The following CNTLN variants were observed in gnomAD, a reference collection of about 807,000 sequenced individuals.
The protein encoded by CNTLN is centlein, centrosomal protein.
Under a neutral mutation model 180.0 loss-of-function variants are expected in CNTLN, and 212 were observed. That is an observed-to-expected ratio of 1.18 (90% CI 1.05 to 1.32). The LOEUF (loss-of-function observed/expected upper bound fraction) is 1.32. Ranked by LOEUF, CNTLN falls within the 40% of genes most tolerant of loss-of-function variation. CNTLN has a pLI of 0.00. For missense variants in CNTLN, 2,095 were observed against 1,610.9 expected (o/e 1.30, Z -5.14); for synonymous variants, 722 against 563.1 (o/e 1.28, Z -3.99).
rs1818543241 is a variant in CNTLN at position 17,304,034 on chromosome 9, T to G, written c.1147-5024T>G. ...GCCCTTACATTACCCATTCTTTCTC[T>G]CATTTATTAAGTAGATCTGTATCAT... On this transcript the variant is annotated intron_variant, in intron 7 of 25. Coordinates refer to ENST00000380647, the MANE Select transcript of CNTLN (RefSeq NM_017738.4). 7.9e-5 allele frequency among the ~76,000 whole-genome samples: 12 copies of G among 152,304 alleles called. No homozygotes were observed. In the South Asian group the frequency reaches 2.5e-3, roughly 32 times the overall value.
intron 7 of CNTLN, among the ~76,000 whole-genome samples, chr9:17,304,333 G>A (rs900441226): frequency 3.3e-5 from 5 of 152,038 alleles, no homozygotes; most frequent in East Asian, 1.9e-4. Context: ...GCATGTAGCC[G>A]TTCATACAAT....
chr9:17,341,715 G>T (rs1352685384), intron 11 of CNTLN, among the ~76,000 whole-genome samples: 3 of 152,114 alleles, frequency 2.0e-5, no homozygotes, highest in African/African-American at 2.4e-5. Flanking sequence ...TTTGTTTTAT[G>T]TTCAGAAAAT....
At chr9:17,170,780 C>G (rs75848915) in intron 2 of CNTLN, among the ~76,000 whole-genome samples, 5,075 of 151,888 alleles carry the variant, frequency 0.033, 146 homozygotes, top group East Asian at 0.17. Flanking sequence ...ACTCATTTTC[C>G]TCATTACAAT....
chr9:17,284,564 T>G (rs1828861952), intron 6 of CNTLN, among the ~76,000 whole-genome samples: 1 of 152,216 alleles, frequency 6.6e-6, no homozygotes, highest in Admixed American at 6.5e-5. Context: ...TTTATAGTAT[T>G]ATCTGAAGGT....
At chr9:17,478,582 A>C (rs1394213736) in intron 23 of CNTLN, among the ~76,000 whole-genome samples, 2 of 150,408 alleles carry the variant, frequency 1.3e-5, no homozygotes, top group Non-Finnish European at 3.0e-5. Flanking sequence ...TGGACTCCCG[A>C]CTCCTGGACT....
intron 5 of CNTLN, among the ~76,000 whole-genome samples, chr9:17,268,604 C>G (rs559725566): frequency 6.6e-6 from 1 of 152,282 alleles, no homozygotes; most frequent in South Asian, 2.1e-4. Flanking sequence ...GAGGTTACTG[C>G]TGTCTTTTTG....
chr9:17,525,044 C>A, the CNTLN span, among the ~76,000 whole-genome samples: 28 of 152,238 alleles, frequency 1.8e-4, no homozygotes, highest in African/African-American at 6.7e-4. Context: ...TGAACATACA[C>A]AATAACATAG....
chr9:17,443,867 A>C (rs549256822), intron 18 of CNTLN, among the ~76,000 whole-genome samples: 150 of 152,258 alleles, frequency 9.9e-4, no homozygotes, highest in African/African-American at 3.3e-3. Context: ...CTGTACAGAG[A>C]ATGTGGAGGA....
chr9:17,490,596 A>G (rs1417332238), intron 25 of CNTLN, among the ~76,000 whole-genome samples: 3 of 151,974 alleles, frequency 2.0e-5, no homozygotes, highest in Non-Finnish European at 4.4e-5. Flanking sequence ...ATAGAGAGTG[A>G]CTGCTTACGG....
intron 12 of CNTLN, among the ~76,000 whole-genome samples, chr9:17,344,900 TC>T (rs1045041316): frequency 6.6e-6 from 1 of 152,144 alleles, no homozygotes; most frequent in Non-Finnish European, 1.5e-5. Context: ...AGTCAAATCT[TC>T]CTACCGCCAC....
chr9:17,332,661 A>C lies in CNTLN; in HGVS notation c.1575A>C (p.Ser525=). The C allele has an allele frequency of 6.2e-7, 1 of 1,609,258 alleles. No individual in the cohort carries two copies. Among genetic ancestry groups the C allele is most frequent in the East Asian group, 2.2e-5 (1 of 44,696 alleles). The change falls in exon 10 of 26, where the codon TCA becomes TCC. Residue 525 remains serine, a synonymous_variant. Transcript: ENST00000380647. ...CCCCAAAGAGCTCTTTCACAGACTCAGAAGAGCTACAGAAGCTGAGAAAAG... is the reference window on the plus strand; with the variant it reads ...CCCCAAAGAGCTCTTTCACAGACTCCGAAGAGCTACAGAAGCTGAGAAAAG... The part of the protein sequence containing the change: ...SLSPKSSFTD[S]EELQKLRKAE...
At chr9:17,515,139 C>T in the CNTLN span, among the ~76,000 whole-genome samples, 2 of 152,072 alleles carry the variant, frequency 1.3e-5, no homozygotes, top group African/African-American at 4.8e-5. Context: ...AGTTTTCAGC[C>T]TTTCTCCTAC....
intron 5 of CNTLN, among the ~76,000 whole-genome samples, chr9:17,259,232 T>C (rs1451729451): frequency 1.3e-5 from 2 of 149,702 alleles, no homozygotes; most frequent in Non-Finnish European, 2.9e-5. Context: ...ATTGAGATAA[T>C]CATGTGGTTT....
At chr9:17,271,310 G>T (rs1000986976) in intron 5 of CNTLN, among the ~76,000 whole-genome samples, 4 of 152,064 alleles carry the variant, frequency 2.6e-5, no homozygotes, top group Admixed American at 6.5e-5. Flanking sequence ...CAGATTTGCG[G>T]TTCACTGACC....
rs1475624927 is a variant in CNTLN, at chr9:17,160,073, T to A, written c.449+16697T>A. Among the ~76,000 whole-genome samples the A allele has an allele frequency of 2.0e-5, 3 of 152,330 alleles. No individual in the cohort carries two copies. The East Asian group carries it at 5.8e-4, about 29-fold the overall frequency. ...TTGTGAATTCACTGACTTTAGAAGT[T>A]GTACCAACTTACACTTCCACCAGAA... is the stretch of plus-strand genomic sequence containing the variant. On this transcript the variant is annotated intron_variant, in intron 2 of 25. Coordinates refer to ENST00000380647, the MANE Select transcript of CNTLN (RefSeq NM_017738.4).
chr9:17,349,430 A>C lies in CNTLN; in HGVS notation c.1886+6986A>C, dbSNP rs185003318. ...TAGAATCTACAAAAAAAGATATACT[A>C]TTAATACTACCTTTCAACTGAATTT... On this transcript the variant is annotated intron_variant, in intron 12 of 25. Coordinates refer to ENST00000380647, the MANE Select transcript of CNTLN (RefSeq NM_017738.4). Among the ~76,000 whole-genome samples the C allele has an allele frequency of 1.4e-3, 207 of 152,298 alleles. 1 individual carries two copies. The South Asian group carries it at 0.022, about 16-fold the overall frequency.
chr9:17,336,257 A>G (rs1171529396), intron 10 of CNTLN, among the ~76,000 whole-genome samples: 3 of 152,230 alleles, frequency 2.0e-5, no homozygotes, highest in African/African-American at 4.8e-5. Context: ...TTAGAAGGTT[A>G]TAAAGAAAGT....
intron 12 of CNTLN, among the ~76,000 whole-genome samples, chr9:17,353,923 G>A (rs1198397245): frequency 6.6e-6 from 1 of 152,192 alleles, no homozygotes; most frequent in East Asian, 1.9e-4. Flanking sequence ...TCAGCTTACA[G>A]GGAGGTGTGG....
At position 17,200,119 on chromosome 9, in the gene CNTLN, G is replaced by T. The variant is rs556327002; in HGVS notation, c.450-26084G>T. On this transcript the variant is annotated intron_variant, in intron 2 of 25. Transcript: ENST00000380647. ...AATCCTTTTCCCATTGCTTGTTTTT[G>T]TCAGGTTTGGCAAAGATCAGATGGT... 2.1e-4 allele frequency among the ~76,000 whole-genome samples: 32 copies of T among 152,180 alleles called. No homozygotes were observed. The East Asian group carries it at 6.2e-3, about 29-fold the overall frequency.
Sources: gnomAD v4.1 joint callset for allele counts (sites outside exome capture counted in the v4.1 genomes callset) on GRCh38, gnomAD v4.1.1 for gene constraint, MANE v1.5 for transcripts, NCBI Gene and HGNC (gene_info 2026-07-23, HGNC 2026-07-21) for gene names.